HTR4: variants seen among roughly 807,000 people sequenced by gnomAD.
HTR4 encodes the protein 5-hydroxytryptamine (serotonin) receptor 4, G protein-coupled.
A neutral mutation model predicts 36.8 loss-of-function variants in HTR4; 16 were observed. The observed-to-expected ratio is 0.43, with a 90% CI of 0.29 to 0.66. The LOEUF is 0.66. Among genes scored for constraint, HTR4 ranks in the 30% least tolerant of loss-of-function variants. The probability of loss-of-function intolerance (pLI) is 0.13; values close to 1 mark genes in which losing one functional copy is unlikely to be tolerated. For missense variants in HTR4, 438 were observed against 490.9 expected (o/e 0.89, Z 1.02); for synonymous variants, 189 against 185.1 (o/e 1.02, Z -0.17).
At chr5:148,478,780 T>A (rs1162897362), downstream of HTR4, among the ~76,000 whole-genome samples, 1 of 152,072 alleles carries the variant, frequency 6.6e-6, no homozygotes, top group Non-Finnish European at 1.5e-5. Context: ...AACCTAATTC[T>A]TGTCCACCCC....
At chr5:148,636,416 G>A (rs534332611) in intron 2 of HTR4, among the ~76,000 whole-genome samples, 2 of 152,202 alleles carry the variant, frequency 1.3e-5, no homozygotes, top group Admixed American at 6.5e-5. Context: ...ATTTGATTGT[G>A]CCAAATAAAG....
intron 5 of HTR4, among the ~76,000 whole-genome samples, chr5:148,521,965 A>G (rs1046314219): frequency 2.0e-5 from 3 of 152,168 alleles, no homozygotes; most frequent in African/African-American, 7.2e-5. Context: ...CTTGAACTGT[A>G]GCTCCTCCCA....
At chr5:148,625,155 G>A (rs138423423) in intron 2 of HTR4, among the ~76,000 whole-genome samples, 59 of 152,246 alleles carry the variant, frequency 3.9e-4, no homozygotes, top group East Asian at 1.7e-3. Flanking sequence ...ATGGCCAGTC[G>A]TCTGGCTGAA....
At chr5:148,597,162 T>A (rs886082088) in intron 2 of HTR4, among the ~76,000 whole-genome samples, 3 of 152,152 alleles carry the variant, frequency 2.0e-5, no homozygotes. Flanking sequence ...GAGCAGACAT[T>A]CTCTATGGTA....
At chr5:148,574,463 A>G (rs78464166) in intron 2 of HTR4, among the ~76,000 whole-genome samples, 2,501 of 152,130 alleles carry the variant, frequency 0.016, 44 homozygotes, top group Middle Eastern at 0.031. Context: ...TGCAGCCTTC[A>G]GTTGTCAAAA....
chr5:148,472,950 T>C (rs990535028), downstream of HTR4, among the ~76,000 whole-genome samples: 6 of 152,176 alleles, frequency 3.9e-5, no homozygotes, highest in African/African-American at 9.6e-5. Flanking sequence ...TTGTTGTGTG[T>C]GTATGTGTGA....
chr5:148,494,516 C>T (rs563459115), intron 6 of HTR4, among the ~76,000 whole-genome samples: 5 of 152,264 alleles, frequency 3.3e-5, no homozygotes, highest in East Asian at 1.9e-4. Flanking sequence ...ACATTTTCTC[C>T]GCTATTGATT....
intron 5 of HTR4, among the ~76,000 whole-genome samples, chr5:148,520,162 T>G (rs964257089): frequency 6.6e-6 from 1 of 152,176 alleles, no homozygotes; most frequent in Non-Finnish European, 1.5e-5. Flanking sequence ...TTTATAGAAT[T>G]TAATTGCCGC....
chr5:148,540,673 T>G (rs1759077688), intron 4 of HTR4, among the ~76,000 whole-genome samples: 1 of 151,614 alleles, frequency 6.6e-6, no homozygotes, highest in South Asian at 2.1e-4. Flanking sequence ...ACACTGAGGT[T>G]TGAGAAAACA....
Position 148,464,349 on chromosome 5 carries a change from G to T in HTR4, c.1077-13077C>A, listed in dbSNP as rs184328408. Among the ~76,000 whole-genome samples, 108 of 152,168 alleles carry T rather than the reference G, an allele frequency of 7.1e-4. 1 individual carries two copies. Among genetic ancestry groups the T allele is most frequent in the African/African-American group, 2.4e-3 (100 of 41,506 alleles). On this transcript the variant is annotated intron_variant, in intron 5 of 5. Coordinates refer to the HTR4 transcript ENST00000521530. ...GCAAAAGACATACCTGATACCAAAG[G>T]CATACTATTATCCAAAATATACAAA... is the stretch of plus-strand genomic sequence containing the variant.
intron 1 of HTR4, among the ~76,000 whole-genome samples, chr5:148,640,723 G>A (rs1753705210): frequency 6.6e-6 from 1 of 152,154 alleles, no homozygotes; most frequent in Admixed American, 6.5e-5. Context: ...AATGAATGCT[G>A]AGTAATATAC....
At chr5:148,473,432 T>C (rs1581348595), downstream of HTR4, among the ~76,000 whole-genome samples, 3 of 152,238 alleles carry the variant, frequency 2.0e-5, no homozygotes, top group East Asian at 1.9e-4. Flanking sequence ...ACTTGGAAGA[T>C]TGGAAAATAA....
intron 1 of HTR4, among the ~76,000 whole-genome samples, chr5:148,640,338 T>A (rs1753688709): frequency 6.6e-6 from 1 of 152,160 alleles, no homozygotes; most frequent in African/African-American, 2.4e-5. Context: ...GATGAACACA[T>A]AAGCAGGGCT....
At chr5:148,465,070 G>T (rs888706047) in intron 5 of HTR4, among the ~76,000 whole-genome samples, 3 of 152,138 alleles carry the variant, frequency 2.0e-5, no homozygotes, top group Admixed American at 6.5e-5. Flanking sequence ...AGGTTGGGGT[G>T]GGGGAGGAGG....
intron 2 of HTR4, among the ~76,000 whole-genome samples, chr5:148,576,120 A>AAAAAAAAAAAAAAC (rs1274138730): frequency 7.6e-5 from 10 of 130,846 alleles, no homozygotes; most frequent in African/African-American, 2.6e-4. Flanking sequence ...CAAAAAAAAA[A>AAAAAAAAAAAAAAC]AAAAAAAAAA....
intron 4 of HTR4, among the ~76,000 whole-genome samples, chr5:148,539,686 A>T (rs1352507210): frequency 6.6e-6 from 1 of 152,212 alleles, no homozygotes; most frequent in Non-Finnish European, 1.5e-5. Context: ...ATCTCATACC[A>T]GTCACAATGG....
At chr5:148,503,442 T>G (rs1757032438) in intron 6 of HTR4, among the ~76,000 whole-genome samples, 1 of 152,166 alleles carries the variant, frequency 6.6e-6, no homozygotes, top group Non-Finnish European at 1.5e-5. Context: ...AAGCAAATGC[T>G]GAGAGATTTT....
At chr5:148,483,808 A>C (rs1283972603) in intron 6 of HTR4, among the ~76,000 whole-genome samples, 1 of 152,174 alleles carries the variant, frequency 6.6e-6, no homozygotes, top group Admixed American at 6.5e-5. Flanking sequence ...AGTCAAATTC[A>C]GTTCATTTCT....
rs544232831 is a variant in HTR4, at chr5:148,638,257, T to A, written c.-47-1196A>T. Among the ~76,000 whole-genome samples, 10 of 152,346 alleles carry A rather than the reference T, an allele frequency of 6.6e-5. No individual in the cohort carries two copies. The East Asian group carries it at 1.9e-3, about 29-fold the overall frequency. On this transcript the variant is annotated intron_variant, in intron 1 of 6. Coordinates refer to ENST00000377888, the MANE Select transcript of HTR4 (RefSeq NM_000870.7). ...GGCATTTCTGGGCCTGGGGCAGGCATGGGAAAGGCTCCACCTGCAGAACTC... is the reference window on the plus strand; with the variant it reads ...GGCATTTCTGGGCCTGGGGCAGGCAAGGGAAAGGCTCCACCTGCAGAACTC...
Sources: allele counts gnomAD v4.1 joint callset (sites outside exome capture counted in the v4.1 genomes callset), GRCh38; gene constraint gnomAD v4.1.1; transcripts MANE v1.5; gene names NCBI Gene and HGNC (gene_info 2026-07-23, HGNC 2026-07-21).